Variants in CACNA1D observed in about 807,000 individuals in gnomAD.
The protein encoded by CACNA1D is calcium voltage-gated channel subunit alpha1 D, also known as voltage-dependent L-type calcium channel subunit alpha-1D.
Under a neutral mutation model 257.1 loss-of-function variants are expected in CACNA1D, and 55 were observed. The ratio of observed to expected loss-of-function variants is 0.21; its 90% confidence interval spans 0.17 to 0.27. The LOEUF (loss-of-function observed/expected upper bound fraction) is 0.27. Among genes scored for constraint, CACNA1D ranks in the 10% least tolerant of loss-of-function variants. The probability of loss-of-function intolerance (pLI) is 1.00; values close to 1 mark genes in which losing one functional copy is unlikely to be tolerated. For missense variants in CACNA1D, 1,876 were observed against 2,784.0 expected (o/e 0.67, Z 7.34); for synonymous variants, 980 against 1,014.9 (o/e 0.97, Z 0.65).
intron 45 of CACNA1D, among the ~76,000 whole-genome samples, chr3:53,806,543 C>T (rs1330587154): frequency 1.3e-5 from 2 of 152,196 alleles, no homozygotes. Flanking sequence ...GACATGTGGG[C>T]ATTTTGCTGA....
In CACNA1D at chr3:53,497,236, T is replaced by G; in HGVS notation, c.152T>G (p.Leu51Arg). 4 of 1,614,204 alleles carry G rather than the reference T, an allele frequency of 2.5e-6. No homozygotes were observed. Among genetic ancestry groups the G allele is most frequent in the Non-Finnish European group, 2.5e-6 (3 of 1,180,036 alleles). The part of the protein sequence containing the change: ...SQPNSSKQTV[L>R]SWQAAIDAAR... Reference sequence around the variant, plus strand: ...CCGAATAGCTCCAAGCAAACTGTCCTGTCTTGGCAAGCTGCAATCGATGCT... The same window carrying G: ...CCGAATAGCTCCAAGCAAACTGTCCGGTCTTGGCAAGCTGCAATCGATGCT... Residue 51 changes from leucine to arginine, a missense_variant, in exon 2 of 48, where the codon CTG becomes CGG. Around this residue, in one of 10 missense-constraint regions of CACNA1D, gnomAD observed 143 missense variants for 168.7 expected, o/e 0.85. Transcript: ENST00000350061.
At chr3:53,762,457 G>A in intron 30 of CACNA1D, 1 of 444,188 alleles carries the variant, frequency 2.3e-6, no homozygotes, top group Non-Finnish European at 4.5e-6. Flanking sequence ...GTGGCGCGAT[G>A]CTAGAATGTT....
chr3:53,748,254 T>C (rs554230457), intron 26 of CACNA1D, among the ~76,000 whole-genome samples: 4 of 152,296 alleles, frequency 2.6e-5, no homozygotes, highest in Admixed American at 2.6e-4. Flanking sequence ...CTGCCATCAG[T>C]GTGCAAACAC....
chr3:53,640,125 G>T (rs2093934144), intron 3 of CACNA1D, among the ~76,000 whole-genome samples: 1 of 152,078 alleles, frequency 6.6e-6, no homozygotes, highest in South Asian at 2.1e-4. Flanking sequence ...GCCTCCCAAA[G>T]TGCTGGGTTT....
intron 38 of CACNA1D, 49 bp from the exon 39 acceptor site, chr3:53,781,516 TG>T: frequency 8.1e-7 from 1 of 1,236,162 alleles, no homozygotes; most frequent in Non-Finnish European, 1.2e-6. Flanking sequence ...GAGGAGGAGC[TG>T]GGGAACAGAA....
intron 4 of CACNA1D, among the ~76,000 whole-genome samples, chr3:53,654,459 A>C (rs2094129424): frequency 6.6e-6 from 1 of 152,208 alleles, no homozygotes. Flanking sequence ...TGATGTACTT[A>C]TACAGTAGTT....
Position 53,803,407 on chromosome 3 carries a change from T to A in CACNA1D, c.5436-16T>A. The A allele has an allele frequency of 6.2e-7, 1 of 1,614,024 alleles. No homozygotes were observed. The highest frequency in any genetic ancestry group is 1.1e-5 in the South Asian group (1 of 91,086). ...GCCGCCTGCCCAGGTTCTCAGATCC[T>A]CTCTCCCAACTGCAGGTCCGACTCA... On this transcript the variant is annotated splice_polypyrimidine_tract_variant and intron_variant, in intron 43 of 47. Coordinates refer to ENST00000350061, the MANE Select transcript of CACNA1D (RefSeq NM_001128840.3).
chr3:53,577,610 CA>C (rs1206180896), intron 3 of CACNA1D, among the ~76,000 whole-genome samples: 1 of 152,136 alleles, frequency 6.6e-6, no homozygotes, highest in African/African-American at 2.4e-5. Flanking sequence ...CACTTTTACC[CA>C]AACCACATGG....
chr3:53,751,688 CG>C lies in CACNA1D; in HGVS notation c.3517-57del, dbSNP rs2095227737. 1.3e-6 allele frequency: 2 copies of C among 1,572,058 alleles called. No homozygotes were observed. The highest frequency in any genetic ancestry group is 1.8e-6 in the Non-Finnish European group (2 of 1,142,276). ...TGAGCTCTTTCAGAGCAGATGACCA[CG>C]GGGTCCTCCTTCCCTGCAAGTGCTC... On this transcript the variant is annotated intron_variant, in intron 27 of 47. Coordinates refer to ENST00000350061, the MANE Select transcript of CACNA1D (RefSeq NM_001128840.3). The surrounding 1 kb of genome is among the most constrained non-coding windows in gnomAD (Gnocchi z 4.3).
intron 26 of CACNA1D, among the ~76,000 whole-genome samples, chr3:53,748,371 A>AT (rs1559618526): frequency 1.3e-5 from 2 of 152,116 alleles, no homozygotes; most frequent in Non-Finnish European, 2.9e-5. Context: ...TAAGAGTCAG[A>AT]TATTTTCAGG....
chr3:53,733,091 G>A (rs960634653), intron 19 of CACNA1D, 129 bp downstream of exon 19: 10 of 862,250 alleles, frequency 1.2e-5, no homozygotes, highest in African/African-American at 6.7e-5. Flanking sequence ...TGTCCCTGGC[G>A]CCCTCACCCA....
chr3:53,534,108 T>G (rs2092038726), intron 3 of CACNA1D, among the ~76,000 whole-genome samples: 1 of 152,128 alleles, frequency 6.6e-6, no homozygotes. Flanking sequence ...AAGGCCTCCT[T>G]GGATACCTCT....
At chr3:53,810,768 AAAAAAAAAAAAAAAAAAAC>A (rs1294457811) in intron 47 of CACNA1D, among the ~76,000 whole-genome samples, 4 of 146,426 alleles carry the variant, frequency 2.7e-5, no homozygotes, top group South Asian at 2.1e-4. Context: ...CAAAAAAAAA[AAAAAAAAAAAAAAAAAAAC>A]AAAAACTGGT....
intron 8 of CACNA1D, among the ~76,000 whole-genome samples, chr3:53,698,618 A>G (rs1356770907): frequency 6.6e-6 from 1 of 152,234 alleles, no homozygotes; most frequent in Non-Finnish European, 1.5e-5. Context: ...GGTGAAGAAC[A>G]TTAACATGGT....
At chr3:53,756,114 G>A (rs2095263362) in intron 29 of CACNA1D, among the ~76,000 whole-genome samples, 1 of 152,170 alleles carries the variant, frequency 6.6e-6, no homozygotes, top group Non-Finnish European at 1.5e-5. Context: ...ACACAGGCTG[G>A]CAGAGTTTCA....
chr3:53,742,766 C>A (rs928563531), intron 21 of CACNA1D, among the ~76,000 whole-genome samples: 1 of 152,216 alleles, frequency 6.6e-6, no homozygotes, highest in Non-Finnish European at 1.5e-5. Context: ...ATACTTGAAA[C>A]CTGTGATCAC....
chr3:53,718,265 C>G (rs1216173220), intron 9 of CACNA1D, 36 bp from the exon 10 acceptor site: 1 of 1,573,756 alleles, frequency 6.4e-7, no homozygotes, highest in Non-Finnish European at 8.7e-7. Context: ...TGCAGTGTGC[C>G]CCGCATGCTC....
intron 3 of CACNA1D, among the ~76,000 whole-genome samples, chr3:53,504,749 A>G (rs571867608): frequency 1.3e-5 from 2 of 152,154 alleles, no homozygotes; most frequent in South Asian, 4.2e-4. Flanking sequence ...CAGAGTGGGG[A>G]TGATTACAAT....
At chr3:53,662,796 C>A (rs1028225155) in intron 5 of CACNA1D, among the ~76,000 whole-genome samples, 7 of 152,126 alleles carry the variant, frequency 4.6e-5, no homozygotes, top group Admixed American at 6.5e-5. Context: ...ATAAATGTGA[C>A]AAATCTGAAA....
Sources: allele counts gnomAD v4.1 joint callset (sites outside exome capture counted in the v4.1 genomes callset), GRCh38; gene constraint gnomAD v4.1.1; regional missense constraint gnomAD v4.1.1; non-coding constraint Gnocchi (gnomAD v3.1); transcripts MANE v1.5; gene names NCBI Gene and HGNC (gene_info 2026-07-23, HGNC 2026-07-21).